The following PTPRD variants were observed in gnomAD, a reference collection of about 807,000 sequenced individuals.
PTPRD encodes receptor-type tyrosine-protein phosphatase delta.
In PTPRD, 34 loss-of-function variants were observed where a neutral mutation model predicts 214.5. That is an observed-to-expected ratio of 0.16 (90% CI 0.12 to 0.21). The LOEUF is 0.21. Ranked by LOEUF, PTPRD falls within the 10% of genes least tolerant of loss-of-function variation. PTPRD has a pLI of 1.00. For missense variants in PTPRD, 2,545 were observed against 2,398.7 expected (o/e 1.06, Z -1.27); for synonymous variants, 1,128 against 845.7 (o/e 1.33, Z -5.79).
chr9:9,450,216 T>G (rs1000693309), intron 8 of PTPRD, among the ~76,000 whole-genome samples: 6 of 151,964 alleles, frequency 3.9e-5, no homozygotes, highest in African/African-American at 1.4e-4. Flanking sequence ...CTAATTTTGC[T>G]GCTATAAACC....
chr9:9,592,843 G>C (rs1027116886), intron 7 of PTPRD, among the ~76,000 whole-genome samples: 2 of 151,970 alleles, frequency 1.3e-5, no homozygotes, highest in Non-Finnish European at 2.9e-5. Context: ...TCAGGAGTTC[G>C]AGATCAGTCT....
At chr9:8,327,747 T>A (rs903957421) in intron 44 of PTPRD, among the ~76,000 whole-genome samples, 19 of 152,230 alleles carry the variant, frequency 1.2e-4, no homozygotes, top group African/African-American at 4.6e-4. Context: ...ATATTTAGGA[T>A]ACTTAGCTCT....
In PTPRD at chr9:9,266,184, A is replaced by T. The variant is rs550663657; in HGVS notation, c.-202-82821T>A. On this transcript the variant is annotated intron_variant, in intron 9 of 45. Transcript: ENST00000381196. ...ATAAAAGGGTCAAATCATCAAAAGG[A>T]TGTAGCAATTTTAAACGTGTGTATG... Among the ~76,000 whole-genome samples the T allele has an allele frequency of 1.1e-4, 16 of 151,610 alleles. No homozygotes were observed. The East Asian group carries it at 2.4e-3, about 22-fold the overall frequency.
intron 5 of PTPRD, among the ~76,000 whole-genome samples, chr9:9,778,460 G>A (rs530394404): frequency 6.6e-6 from 1 of 152,290 alleles, no homozygotes; most frequent in South Asian, 2.1e-4. Context: ...AGTAGCCATA[G>A]ACGCCCATCC....
intron 14 of PTPRD, among the ~76,000 whole-genome samples, chr9:8,630,750 T>C (rs1305555610): frequency 1.3e-5 from 2 of 151,846 alleles, no homozygotes; most frequent in Non-Finnish European, 2.9e-5. Context: ...ACTAGCTGTA[T>C]AAAAGCAGAG....
intron 9 of PTPRD, among the ~76,000 whole-genome samples, chr9:9,231,621 G>C (rs1016416605): frequency 1.3e-5 from 2 of 152,094 alleles, no homozygotes; most frequent in African/African-American, 2.4e-5. Flanking sequence ...GCCAAAGTCA[G>C]CTTTGTTTTG....
chr9:8,870,820 C>CT (rs1204110716), intron 11 of PTPRD, among the ~76,000 whole-genome samples: 1 of 151,826 alleles, frequency 6.6e-6, no homozygotes, highest in Non-Finnish European at 1.5e-5. Context: ...ATCACCTGAC[C>CT]TAAATGGCCC....
intron 12 of PTPRD, among the ~76,000 whole-genome samples, chr9:8,721,411 CTGAG>C (rs1187704572): frequency 2.8e-5 from 4 of 140,974 alleles, no homozygotes; most frequent in African/African-American, 8.2e-5. Context: ...GTCTGGACGA[CTGAG>C]TGAGACTCCA....
At chr9:9,272,383 C>A (rs1424582828) in intron 9 of PTPRD, among the ~76,000 whole-genome samples, 1 of 150,976 alleles carries the variant, frequency 6.6e-6, no homozygotes, top group African/African-American at 2.4e-5. Flanking sequence ...AAAATATTTC[C>A]AAAATTTTGA....
At chr9:9,906,510 G>A (rs576262752) in intron 5 of PTPRD, among the ~76,000 whole-genome samples, 14 of 152,048 alleles carry the variant, frequency 9.2e-5, no homozygotes, top group African/African-American at 3.4e-4. Context: ...GTTACATGAT[G>A]ATAGTTACAT....
chr9:8,512,110 T>C lies in PTPRD; in HGVS notation c.1544-4676A>G, dbSNP rs1344334108. ...ACCAAAGATACTAGAAAACCCATGA[T>C]TGCTAAAATATCCAGTATTTTATTA... On this transcript the variant is annotated intron_variant, in intron 21 of 45. Coordinates refer to ENST00000381196, the MANE Select transcript of PTPRD (RefSeq NM_002839.4). Among the ~76,000 whole-genome samples the C allele has an allele frequency of 5.9e-5, 9 of 152,092 alleles. No individual in the cohort carries two copies. In the South Asian group the frequency reaches 1.4e-3, roughly 24 times the overall value.
intron 2 of PTPRD, among the ~76,000 whole-genome samples, chr9:10,494,226 A>C (rs1052776040): frequency 1.3e-5 from 2 of 151,962 alleles, no homozygotes; most frequent in Non-Finnish European, 2.9e-5. Context: ...AAGTAAATCA[A>C]GGTAAAATTT....
intron 14 of PTPRD, among the ~76,000 whole-genome samples, chr9:8,591,950 A>G (rs1452020335): frequency 6.6e-6 from 1 of 152,196 alleles, no homozygotes; most frequent in Non-Finnish European, 1.5e-5. Context: ...GGACAGAGAA[A>G]AAATAAATTT....
At chr9:9,408,165 G>T (rs1426630034) in intron 8 of PTPRD, among the ~76,000 whole-genome samples, 1 of 151,770 alleles carries the variant, frequency 6.6e-6, no homozygotes, top group Non-Finnish European at 1.5e-5. Flanking sequence ...CATTACTGAT[G>T]CTTCTCACAA....
chr9:9,455,361 T>C (rs1242574392), intron 8 of PTPRD, among the ~76,000 whole-genome samples: 1 of 151,536 alleles, frequency 6.6e-6, no homozygotes, highest in African/African-American at 2.4e-5. Context: ...CATACAGTGA[T>C]AATTATGTCT....
In PTPRD at chr9:8,507,436, T is replaced by C. The variant is rs1264202704; in HGVS notation, c.1544-2A>G. ...TGAAGTTTAGTGGCTGCCCTGGTAC[T>C]AAAAACAGGGAGGCAATGGATTGAA... is the stretch of plus-strand genomic sequence containing the variant. On this transcript the variant is annotated splice_acceptor_variant, in intron 21 of 45. Transcript: ENST00000381196. LOFTEE classifies it high-confidence loss of function. 1 of 1,613,734 alleles carries C rather than the reference T, an allele frequency of 6.2e-7. No individual in the cohort carries two copies. The highest frequency in any genetic ancestry group is 8.5e-7 in the Non-Finnish European group (1 of 1,179,722).
chr9:9,256,140 G>A (rs1009040453), intron 9 of PTPRD, among the ~76,000 whole-genome samples: 1 of 151,996 alleles, frequency 6.6e-6, no homozygotes, highest in African/African-American at 2.4e-5. Flanking sequence ...CTTGTATAGA[G>A]TGGCCTTAGA....
intron 9 of PTPRD, among the ~76,000 whole-genome samples, chr9:9,352,988 T>A (rs978542069): frequency 6.6e-6 from 1 of 151,960 alleles, no homozygotes; most frequent in Non-Finnish European, 1.5e-5. Flanking sequence ...GGTGTTGTTG[T>A]ATCTTTATTG....
chr9:9,164,111 T>A (rs969088339), intron 10 of PTPRD, among the ~76,000 whole-genome samples: 2 of 152,196 alleles, frequency 1.3e-5, no homozygotes, highest in Non-Finnish European at 2.9e-5. Flanking sequence ...TACACCAATT[T>A]TTTTTTGCTT....
Sources: allele counts gnomAD v4.1 joint callset (sites outside exome capture counted in the v4.1 genomes callset), GRCh38; gene constraint gnomAD v4.1.1; transcripts MANE v1.5; gene names NCBI Gene and HGNC (gene_info 2026-07-23, HGNC 2026-07-21).